Variants in TTC39B observed in about 807,000 individuals in gnomAD.
The protein encoded by TTC39B is tetratricopeptide repeat protein 39B.
A neutral mutation model predicts 96.6 loss-of-function variants in TTC39B; 92 were observed. That is an observed-to-expected ratio of 0.95 (90% CI 0.80 to 1.13). TTC39B has a LOEUF of 1.13. Ranked by LOEUF, TTC39B falls within the 50% of genes most tolerant of loss-of-function variation. TTC39B has a pLI of 0.00. For synonymous variants in TTC39B, 367 were observed against 299.4 expected, an observed-to-expected ratio of 1.23 and a Z score of -2.33; for missense variants, 955 against 809.3, an observed-to-expected ratio of 1.18 and a Z score of -2.18.
At chr9:15,177,661 A>G in intron 18 of TTC39B, 36 bp downstream of exon 18, 2 of 1,448,324 alleles carry the variant, frequency 1.4e-6, no homozygotes, top group East Asian at 2.3e-5. Context: ...AGAAACCACA[A>G]TTTGCACTTG....
At chr9:15,214,218 C>T in exon 4 of TTC39B, 1 of 1,613,960 alleles carries the variant, frequency 6.2e-7, no homozygotes, top group Non-Finnish European at 8.5e-7. Flanking sequence ...TCTTCGAGGC[C>T]ACTCTTGAGA....
chr9:15,169,386 A>G (rs1817587549), exon 20 of TTC39B: 1 of 152,148 alleles, frequency 6.6e-6, no homozygotes, highest in African/African-American at 2.4e-5. Context: ...CCATTCCTAC[A>G]AAGCACAAAG....
exon 5 of TTC39B, chr9:15,211,390 C>G (rs1199468249): frequency 4.6e-6 from 7 of 1,526,854 alleles, no homozygotes; most frequent in Non-Finnish European, 6.1e-6. Context: ...TACATACTCT[C>G]CTTAGCCCTG....
At chr9:15,266,160 A>G (rs1164011105) in intron 2 of TTC39B, among the ~76,000 whole-genome samples, 1 of 152,096 alleles carries the variant, frequency 6.6e-6, no homozygotes, top group Non-Finnish European at 1.5e-5. Flanking sequence ...GGTGGGGTAC[A>G]CAGGAATACT....
At chr9:15,190,302 T>C (rs1404285455) in intron 11 of TTC39B, among the ~76,000 whole-genome samples, 1 of 152,236 alleles carries the variant, frequency 6.6e-6, no homozygotes, top group Non-Finnish European at 1.5e-5. Flanking sequence ...AATTTTTACT[T>C]ACTCAGATTA....
Position 15,255,733 on chromosome 9 carries a change from G to A in TTC39B, c.275+12181C>T, listed in dbSNP as rs181789747. 6.2e-4 allele frequency among the ~76,000 whole-genome samples: 94 copies of A among 152,230 alleles called. 1 individual carries two copies. The highest frequency in any genetic ancestry group is 2.2e-3 in the African/African-American group (91 of 41,534). Reference sequence around the variant, plus strand: ...CCCTTCAGAGAAAAATGGCAATGGAGACACCAACAATTATGGATAGTGTTT... The same window carrying A: ...CCCTTCAGAGAAAAATGGCAATGGAAACACCAACAATTATGGATAGTGTTT... On this transcript the variant is annotated intron_variant, in intron 2 of 19. Transcript: ENST00000512701.
chr9:15,260,774 G>T (rs1369588756), intron 2 of TTC39B, among the ~76,000 whole-genome samples: 2 of 152,038 alleles, frequency 1.3e-5, no homozygotes, highest in African/African-American at 4.8e-5. Flanking sequence ...AGGCCAAGAA[G>T]CGATCAAAAT....
At chr9:15,206,589 T>C (rs1321408550) in intron 6 of TTC39B, among the ~76,000 whole-genome samples, 1 of 152,236 alleles carries the variant, frequency 6.6e-6, no homozygotes. Flanking sequence ...CTCTTAATTA[T>C]AAATTCCTTA....
intron 18 of TTC39B, among the ~76,000 whole-genome samples, chr9:15,176,659 C>G (rs1487037854): frequency 6.6e-6 from 1 of 152,088 alleles, no homozygotes; most frequent in Non-Finnish European, 1.5e-5. Context: ...TTCCAGGCTT[C>G]TCGTGAAAAA....
At chr9:15,283,234 AT>A (rs1371307714) in intron 1 of TTC39B, among the ~76,000 whole-genome samples, 1 of 152,198 alleles carries the variant, frequency 6.6e-6, no homozygotes, top group Non-Finnish European at 1.5e-5. Context: ...AAAGACAGAA[AT>A]TTTATTCACA....
chr9:15,197,632 C>T (rs1200996209), intron 8 of TTC39B, among the ~76,000 whole-genome samples: 1 of 151,176 alleles, frequency 6.6e-6, no homozygotes, highest in Non-Finnish European at 1.5e-5. Flanking sequence ...AAGAATGGGG[C>T]AGAAAAAAAA....
At chr9:15,194,353 A>T (rs1283572355) in intron 8 of TTC39B, among the ~76,000 whole-genome samples, 1 of 152,120 alleles carries the variant, frequency 6.6e-6, no homozygotes. Context: ...CAATTTTCCC[A>T]AAAACATTTA....
chr9:15,256,529 G>A (rs1295145965), intron 2 of TTC39B, among the ~76,000 whole-genome samples: 7 of 152,164 alleles, frequency 4.6e-5, no homozygotes, highest in Middle Eastern at 3.2e-3. Flanking sequence ...CAGACCCATC[G>A]TTATAGAACT....
intron 3 of TTC39B, among the ~76,000 whole-genome samples, chr9:15,215,186 G>A (rs1434405262): frequency 1.3e-5 from 2 of 152,170 alleles, no homozygotes; most frequent in African/African-American, 4.8e-5. Flanking sequence ...AGGAGTTTGT[G>A]GCTGTAGTGA....
chr9:15,221,890 G>T (rs1820863121), intron 3 of TTC39B, among the ~76,000 whole-genome samples: 1 of 152,014 alleles, frequency 6.6e-6, no homozygotes, highest in Admixed American at 6.6e-5. Context: ...GTTACATATG[G>T]TAACACTTTT....
exon 20 of TTC39B, chr9:15,166,168 A>C (rs1291276834): frequency 4.6e-5 from 7 of 152,244 alleles, no homozygotes; most frequent in Non-Finnish European, 1.0e-4. Flanking sequence ...TTGTATGTTA[A>C]TATTCAACAA....
chr9:15,220,413 C>T (rs1374824372), intron 3 of TTC39B, among the ~76,000 whole-genome samples: 3 of 152,124 alleles, frequency 2.0e-5, no homozygotes, highest in African/African-American at 7.2e-5. Flanking sequence ...TGTTAGATGG[C>T]GAGACTTCCA....
chr9:15,189,486 A>C (rs966341605), intron 13 of TTC39B, 88 bp downstream of exon 13: 6 of 1,411,656 alleles, frequency 4.3e-6, no homozygotes, highest in Non-Finnish European at 5.9e-6. Context: ...AGCCAAGTTT[A>C]CTTTTGTTGA....
intron 1 of TTC39B, among the ~76,000 whole-genome samples, chr9:15,285,860 A>G (rs1459015600): frequency 6.6e-6 from 1 of 152,222 alleles, no homozygotes; most frequent in Non-Finnish European, 1.5e-5. Flanking sequence ...GTCTCAAAAA[A>G]AAAAGAATAT....
Sources: gnomAD v4.1 joint callset for allele counts (sites outside exome capture counted in the v4.1 genomes callset) on GRCh38, gnomAD v4.1.1 for gene constraint, MANE v1.5 for transcripts, NCBI Gene and HGNC (gene_info 2026-07-23, HGNC 2026-07-21) for gene names.